The following DNAJC12 variants were observed in gnomAD, a reference collection of about 807,000 sequenced individuals.
DNAJC12 encodes DnaJ heat shock protein family (Hsp40) member C12, also known as dnaJ homolog subfamily C member 12.
DNAJC12 carries 25 observed loss-of-function variants against 28.5 expected under a neutral mutation model. The ratio of observed to expected loss-of-function variants is 0.88; its 90% CI spans 0.64 to 1.22. The LOEUF is 1.22. DNAJC12 is among the 50% of genes most tolerant of loss of function. The pLI is 0.00. For missense variants in DNAJC12, 222 were observed against 231.7 expected (o/e 0.96, Z 0.27); for synonymous variants, 77 against 80.6 (o/e 0.95, Z 0.24).
At chr10:67,835,688 C>CA (rs1224678980) in intron 1 of DNAJC12, among the ~76,000 whole-genome samples, 2 of 138,432 alleles carry the variant, frequency 1.4e-5, no homozygotes, top group African/African-American at 5.5e-5. Context: ...GACTCCATCT[C>CA]AAAAAAACAA....
chr10:67,834,597 G>A (rs1842124981), intron 1 of DNAJC12, among the ~76,000 whole-genome samples: 1 of 152,242 alleles, frequency 6.6e-6, no homozygotes, highest in Non-Finnish European at 1.5e-5. Context: ...GGGAGGCCAA[G>A]GCGGCGGATC....
chr10:67,806,682 G>A (rs571691875), intron 3 of DNAJC12, among the ~76,000 whole-genome samples: 1 of 152,132 alleles, frequency 6.6e-6, no homozygotes, highest in Non-Finnish European at 1.5e-5. Flanking sequence ...AAAATTAGCT[G>A]GTCGTGGTGG....
At chr10:67,819,702 G>GAAA in intron 2 of DNAJC12, among the ~76,000 whole-genome samples, 1 of 19,022 alleles carries the variant, frequency 5.3e-5, no homozygotes, top group South Asian at 2.6e-3. Flanking sequence ...AAGAAAGGAA[G>GAAA]GAAGGAAGGA....
intron 1 of DNAJC12, 43 bp from the exon 2 acceptor site, chr10:67,823,435 C>T (rs757200785): frequency 3.3e-5 from 51 of 1,549,834 alleles, no homozygotes; most frequent in East Asian, 9.0e-5. Context: ...TCATGCCAGG[C>T]GCAGTGACTC....
chr10:67,826,634 T>G (rs138645114), intron 1 of DNAJC12, among the ~76,000 whole-genome samples: 8,402 of 130,556 alleles, frequency 0.064, 518 homozygotes, highest in East Asian at 0.29. Context: ...TATATCATTA[T>G]ATATAAGATA....
chr10:67,823,298 T>C lies in DNAJC12; in HGVS notation c.157+16A>G, dbSNP rs765617583. The C allele has an allele frequency of 1.9e-6, 3 of 1,611,572 alleles. No individual in the cohort carries two copies. In the South Asian group the frequency reaches 3.3e-5, roughly 18 times the overall value. ...CTACTCATTTTCTTGAGAAGTAGCC[T>C]TTATTAAGTTCTTACCAGCTTTGGG... is the stretch of plus-strand genomic sequence containing the variant. On this transcript the variant is annotated intron_variant, in intron 2 of 4. Coordinates refer to ENST00000225171, the MANE Select transcript of DNAJC12 (RefSeq NM_021800.3).
intron 3 of DNAJC12, among the ~76,000 whole-genome samples, chr10:67,807,454 A>C (rs1841814560): frequency 6.6e-6 from 1 of 152,166 alleles, no homozygotes; most frequent in African/African-American, 2.4e-5. Flanking sequence ...TCAAAATAAA[A>C]ACGTTAATTT....
chr10:67,806,007 A>T (rs1282906177), intron 3 of DNAJC12, among the ~76,000 whole-genome samples: 1 of 151,728 alleles, frequency 6.6e-6, no homozygotes, highest in Non-Finnish European at 1.5e-5. Context: ...TACCTTTTTC[A>T]TTTTCTGTTC....
chr10:67,832,864 A>T (rs1368563817), intron 1 of DNAJC12, among the ~76,000 whole-genome samples: 1 of 152,206 alleles, frequency 6.6e-6, no homozygotes, highest in Admixed American at 6.6e-5. Context: ...ACCTTAACGA[A>T]GTGCTCAAGG....
intron 2 of DNAJC12, among the ~76,000 whole-genome samples, chr10:67,818,737 A>G (rs7907989): frequency 1.1e-3 from 168 of 152,140 alleles, no homozygotes; most frequent in Middle Eastern, 3.4e-3. Context: ...GCTCACTGCA[A>G]CATCTGCTCC....
chr10:67,801,554 C>A (rs1364026203), intron 4 of DNAJC12, among the ~76,000 whole-genome samples: 1 of 151,982 alleles, frequency 6.6e-6, no homozygotes, highest in Non-Finnish European at 1.5e-5. Flanking sequence ...CTTTGGGAGG[C>A]CAAAGTGGGC....
chr10:67,832,301 T>C (rs1253377666), intron 1 of DNAJC12, among the ~76,000 whole-genome samples: 2 of 150,918 alleles, frequency 1.3e-5, no homozygotes, highest in African/African-American at 2.4e-5. Context: ...GAAAAGAAGA[T>C]TCATTTTAAT....
chr10:67,834,245 A>G (rs1384086101), intron 1 of DNAJC12, among the ~76,000 whole-genome samples: 1 of 152,192 alleles, frequency 6.6e-6, no homozygotes, highest in Non-Finnish European at 1.5e-5. Context: ...AAGCTGGGTT[A>G]AGGGTATATA....
At chr10:67,804,288 G>T (rs1019824857) in intron 4 of DNAJC12, among the ~76,000 whole-genome samples, 4 of 152,132 alleles carry the variant, frequency 2.6e-5, no homozygotes, top group Admixed American at 2.0e-4. Context: ...GAGGTGAACC[G>T]CTGTGCTAAG....
chr10:67,834,962 T>A (rs914099627), intron 1 of DNAJC12, among the ~76,000 whole-genome samples: 1 of 152,242 alleles, frequency 6.6e-6, no homozygotes, highest in Admixed American at 6.5e-5. Context: ...TTTATATATG[T>A]CATTATGTAA....
chr10:67,825,671 C>T (rs1589611585), intron 1 of DNAJC12: 1 of 1,614 alleles, frequency 6.2e-4, no homozygotes, highest in Non-Finnish European at 0.033. Flanking sequence ...AGTTCCGTGT[C>T]ATCCTTAGTC....
intron 2 of DNAJC12, among the ~76,000 whole-genome samples, chr10:67,818,129 TG>T (rs5785837): frequency 0.68 from 102,790 of 151,840 alleles, 36,345 homozygotes; most frequent in Non-Finnish European, 0.8. Context: ...TGCTTGAGCC[TG>T]GGAGGTTGAG....
chr10:67,803,302 G>A (rs188320309), intron 4 of DNAJC12, among the ~76,000 whole-genome samples: 3 of 152,226 alleles, frequency 2.0e-5, no homozygotes, highest in African/African-American at 4.8e-5. Context: ...TAACCACTGC[G>A]TAACACAGAG....
intron 1 of DNAJC12, among the ~76,000 whole-genome samples, chr10:67,826,690 T>C (rs1469789634): frequency 7.9e-6 from 1 of 126,034 alleles, no homozygotes; most frequent in Non-Finnish European, 1.6e-5. Context: ...AGATATCTAA[T>C]GATATATATT....
Sources: gnomAD v4.1 joint callset for allele counts (sites outside exome capture counted in the v4.1 genomes callset) on GRCh38, gnomAD v4.1.1 for gene constraint, MANE v1.5 for transcripts, NCBI Gene and HGNC (gene_info 2026-07-23, HGNC 2026-07-21) for gene names.